The following KCNH1 variants were observed in gnomAD, a reference collection of about 807,000 sequenced individuals.
KCNH1 encodes the protein voltage-gated delayed rectifier potassium channel KCNH1.
KCNH1 carries 27 observed loss-of-function variants against 69.2 expected under a neutral mutation model. That is an observed-to-expected ratio of 0.39 (90% CI 0.29 to 0.54). The LOEUF (loss-of-function observed/expected upper bound fraction) is 0.54, where lower values mean the gene tolerates loss of function less well. KCNH1 is among the 20% of genes least tolerant of loss of function. KCNH1 has a pLI of 0.68. For synonymous variants in KCNH1, 456 were observed against 487.7 expected, an observed-to-expected ratio of 0.93 and a Z score of 0.86; for missense variants, 798 against 1,261.6, an observed-to-expected ratio of 0.63 and a Z score of 5.57.
chr1:211,039,609 T>C (rs1689954654), intron 5 of KCNH1, among the ~76,000 whole-genome samples: 1 of 152,192 alleles, frequency 6.6e-6, no homozygotes, highest in Admixed American at 6.5e-5. Context: ...ACGTAACTCT[T>C]GCATCAGCGT....
chr1:210,747,992 T>A (rs1246244193), intron 10 of KCNH1, among the ~76,000 whole-genome samples: 1 of 152,228 alleles, frequency 6.6e-6, no homozygotes, highest in South Asian at 2.1e-4. Context: ...AGTCAGTACA[T>A]GCCAATGCAC....
At chr1:210,922,383 CAAAAAAAAAAAAAAAAAAAAAAAAA>C (rs758026291) in intron 6 of KCNH1, among the ~76,000 whole-genome samples, 3 of 98,348 alleles carry the variant, frequency 3.1e-5, no homozygotes, top group Admixed American at 1.1e-4. Context: ...GACTCCGTCT[CAAAAAAAAAAAAAAAAAAAAAAAAA>C]AAAAAAAAAA....
chr1:210,982,033 A>C (rs1356242047), intron 6 of KCNH1, among the ~76,000 whole-genome samples: 1 of 152,070 alleles, frequency 6.6e-6, no homozygotes, highest in Non-Finnish European at 1.5e-5. Flanking sequence ...CTCAGGAATC[A>C]ATCAGGCAAG....
At chr1:211,009,677 C>A (rs1689357312) in intron 6 of KCNH1, among the ~76,000 whole-genome samples, 1 of 151,726 alleles carries the variant, frequency 6.6e-6, no homozygotes, top group East Asian at 1.9e-4. Flanking sequence ...GGTGCGATCT[C>A]AGCTCTCTGC....
chr1:211,060,400 C>CAAAAAAAAAAAAAA lies in KCNH1; in HGVS notation c.558+22366_558+22379dup, dbSNP rs60620622. ...TGGGCGACAGAGCGAGACTCCGTCTCAAAAAAAAAAAAAAAAAAAAAAAAA... is the reference window on the plus strand; with the variant it reads ...TGGGCGACAGAGCGAGACTCCGTCTCAAAAAAAAAAAAAAAAAAAAAAAAAAAAAAAAAAAAAAA... On this transcript the variant is annotated intron_variant, in intron 5 of 10. Transcript: ENST00000271751. Among the ~76,000 whole-genome samples the CAAAAAAAAAAAAAA allele has an allele frequency of 2.0e-3, 88 of 44,336 alleles. 2 individuals are homozygous for CAAAAAAAAAAAAAA. The highest frequency in any genetic ancestry group is 2.2e-3 in the Non-Finnish European group (62 of 28,352). The allele number at this position is 44,336 out of a possible 152,430, so 29.1% of individuals were successfully genotyped here.
At chr1:210,859,729 C>T (rs1685934200) in intron 7 of KCNH1, 3 of 1,148,926 alleles carry the variant, frequency 2.6e-6, no homozygotes, top group South Asian at 2.4e-5. Flanking sequence ...CTGATTTAAA[C>T]CTTGGGGTAT....
intron 10 of KCNH1, among the ~76,000 whole-genome samples, chr1:210,724,086 G>T (rs1344248511): frequency 6.6e-6 from 1 of 152,162 alleles, no homozygotes; most frequent in East Asian, 1.9e-4. Flanking sequence ...TTACTGAACA[G>T]ACTTTACCTG....
intron 7 of KCNH1, among the ~76,000 whole-genome samples, chr1:210,873,821 G>C (rs1159921053): frequency 1.3e-5 from 2 of 152,074 alleles, no homozygotes; most frequent in Admixed American, 1.3e-4. Flanking sequence ...ATTTCAAAAA[G>C]TCAAACAGAC....
At chr1:211,105,265 G>A (rs545679211) in intron 2 of KCNH1, among the ~76,000 whole-genome samples, 1 of 152,316 alleles carries the variant, frequency 6.6e-6, no homozygotes, top group South Asian at 2.1e-4. Context: ...CTTTCTCCTT[G>A]TGAGTTAATT....
At position 210,861,010 on chromosome 1, in the gene KCNH1, A is replaced by T. The variant is rs1685966708; in HGVS notation, c.1463-56844T>A. 4.0e-5 allele frequency: 42 copies of T among 1,059,598 alleles called. No individual in the cohort carries two copies. In the South Asian group the frequency reaches 5.3e-4, roughly 13 times the overall value. 65.6% of individuals were successfully genotyped at this position (1,059,598 alleles called of 1,614,324 possible). On this transcript the variant is annotated intron_variant, in intron 7 of 10. Transcript: ENST00000271751. The stretch of plus-strand genomic sequence containing the variant: ...CTCCATCTTTTTTTCAAAGGTCAGC[A>T]TTGGGTTCTGTAAGAATCTGGTAAC...
chr1:210,735,193 C>T (rs948187913), intron 10 of KCNH1, among the ~76,000 whole-genome samples: 1 of 152,110 alleles, frequency 6.6e-6, no homozygotes, highest in African/African-American at 2.4e-5. Context: ...TGATTAGATG[C>T]AGAAGGAGAC....
chr1:210,981,961 C>G (rs1008346758), intron 6 of KCNH1, among the ~76,000 whole-genome samples: 1 of 151,982 alleles, frequency 6.6e-6, no homozygotes, highest in South Asian at 2.1e-4. Context: ...GAAGCGGGTA[C>G]GGTTTGAAAG....
At chr1:210,979,062 C>T (rs1180712528) in intron 6 of KCNH1, among the ~76,000 whole-genome samples, 1 of 152,154 alleles carries the variant, frequency 6.6e-6, no homozygotes, top group Non-Finnish European at 1.5e-5. Context: ...TTGGCCTTTC[C>T]CATTCACCCT....
intron 5 of KCNH1, among the ~76,000 whole-genome samples, chr1:211,041,821 C>T (rs1690001224): frequency 6.6e-6 from 1 of 152,140 alleles, no homozygotes; most frequent in South Asian, 2.1e-4. Context: ...GTGGCATGAT[C>T]CTGGCTCACT....
intron 6 of KCNH1, among the ~76,000 whole-genome samples, chr1:210,936,297 C>T (rs765902627): frequency 1.3e-5 from 2 of 152,182 alleles, no homozygotes; most frequent in Non-Finnish European, 2.9e-5. Context: ...CCTCTGGAAC[C>T]CATCTTCATG....
At chr1:211,020,819 T>C (rs1245510325) in intron 5 of KCNH1, among the ~76,000 whole-genome samples, 1 of 152,036 alleles carries the variant, frequency 6.6e-6, no homozygotes, top group African/African-American at 2.4e-5. Context: ...TATCCAGAGA[T>C]GCAAGAATGA....
chr1:210,942,244 A>AAAC (rs1436801983), intron 6 of KCNH1, among the ~76,000 whole-genome samples: 1 of 152,208 alleles, frequency 6.6e-6, no homozygotes, highest in Non-Finnish European at 1.5e-5. Flanking sequence ...CTTGTTAGGA[A>AAAC]AACAACAACA....
chr1:210,854,493 C>T (rs967797039), intron 7 of KCNH1, among the ~76,000 whole-genome samples: 13 of 152,220 alleles, frequency 8.5e-5, no homozygotes, highest in African/African-American at 3.1e-4. Flanking sequence ...CCAACTTTTA[C>T]CCATGGCAGC....
intron 10 of KCNH1, among the ~76,000 whole-genome samples, chr1:210,693,774 T>G (rs1395684739): frequency 1.3e-5 from 2 of 152,160 alleles, no homozygotes; most frequent in East Asian, 3.9e-4. Flanking sequence ...CAGACCAACT[T>G]CGACCTGTGG....
Sources: allele counts gnomAD v4.1 joint callset (sites outside exome capture counted in the v4.1 genomes callset), GRCh38; gene constraint gnomAD v4.1.1; transcripts MANE v1.5; gene names NCBI Gene and HGNC (gene_info 2026-07-23, HGNC 2026-07-21).